The following PLAUR variants were observed in gnomAD, a reference collection of about 807,000 sequenced individuals.
The protein encoded by PLAUR is urokinase plasminogen activator surface receptor.
In PLAUR, 22 loss-of-function variants were observed where a neutral mutation model predicts 33.4. The observed-to-expected ratio is 0.66, with a 90% CI of 0.47 to 0.94. The LOEUF is 0.94. PLAUR is among the 40% of genes least tolerant of loss of function. The pLI is 0.00. For synonymous variants in PLAUR, 148 were observed against 167.3 expected (o/e 0.88, Z 0.89); for missense variants, 408 against 434.7 (o/e 0.94, Z 0.55).
intron 6 of PLAUR, among the ~76,000 whole-genome samples, chr19:43,651,031 C>CAA (rs747441567): frequency 5.7e-4 from 49 of 85,412 alleles, no homozygotes; most frequent in Middle Eastern, 5.7e-3. Context: ...GACTCCATTT[C>CAA]AAAAAAAAAA....
intron 6 of PLAUR, among the ~76,000 whole-genome samples, chr19:43,651,005 C>T (rs927692735): frequency 8.7e-5 from 13 of 150,222 alleles, no homozygotes; most frequent in Admixed American, 6.6e-5. Flanking sequence ...TGCACTCTAG[C>T]CTGGCGACAG....
At chr19:43,667,797 C>A (rs1201386027) in intron 1 of PLAUR, 106 bp from the exon 2 acceptor site, 4 of 1,505,128 alleles carry the variant, frequency 2.7e-6, no homozygotes, top group Non-Finnish European at 3.6e-6. Context: ...CAGGCCCCGT[C>A]CATTCAGATT....
At chr19:43,656,758 GCC>G (rs1352249038) in intron 3 of PLAUR, 118 bp from the exon 4 acceptor site, 2 of 796,320 alleles carry the variant, frequency 2.5e-6, no homozygotes, top group Admixed American at 3.1e-5. Context: ...CAGTCATTGA[GCC>G]CTGCCTATTC....
At chr19:43,653,423 C>T (rs1974077667) in intron 5 of PLAUR, among the ~76,000 whole-genome samples, 1 of 152,176 alleles carries the variant, frequency 6.6e-6, no homozygotes, top group East Asian at 1.9e-4. Flanking sequence ...GCAGGGTGAA[C>T]TCTTGGGGAA....
intron 3 of PLAUR, chr19:43,661,291 T>C (rs1257765658): frequency 6.6e-6 from 1 of 152,226 alleles, no homozygotes; most frequent in African/African-American, 2.4e-5. Flanking sequence ...CAGCAGCAGA[T>C]TGGCAAGTGC....
rs377228609 is a variant in PLAUR at position 43,654,024 on chromosome 19, T to C, written c.607+1415A>G. Among the ~76,000 whole-genome samples, 442 of 150,466 alleles carry C rather than the reference T, an allele frequency of 2.9e-3. 3 individuals carry two copies. The highest frequency in any genetic ancestry group is 0.01 in the African/African-American group (416 of 40,906). Reference sequence around the variant, plus strand: ...CTGTAGTCCCAGCCACTCGGGAGGCTGAGGCAGGGGAATGGCGTGAACCCG... The same window carrying C: ...CTGTAGTCCCAGCCACTCGGGAGGCCGAGGCAGGGGAATGGCGTGAACCCG... On this transcript the variant is annotated intron_variant, in intron 5 of 6. Transcript: ENST00000340093.
chr19:43,668,332 C>A, intron 1 of PLAUR: 1 of 985,888 alleles, frequency 1.0e-6, no homozygotes, highest in Non-Finnish European at 1.2e-6. Context: ...TAGGTTTTGG[C>A]CCCGCTCCAG....
chr19:43,653,004 A>G (rs4251906), intron 5 of PLAUR, among the ~76,000 whole-genome samples: 18,378 of 151,518 alleles, frequency 0.12, 1,619 homozygotes, highest in African/African-American at 0.24. Flanking sequence ...TTTGAGACGG[A>G]GTCTTGCTAT....
At chr19:43,668,628 G>C (rs1967377943) in intron 1 of PLAUR, among the ~76,000 whole-genome samples, 1 of 111,728 alleles carries the variant, frequency 9.0e-6, no homozygotes, top group Non-Finnish European at 1.8e-5. Flanking sequence ...TGAGGTCCTA[G>C]CCCAGCCCCG....
rs752926721 is a variant in PLAUR at position 43,652,267 on chromosome 19, G to C, written c.712C>G (p.Arg238Gly). The C allele has an allele frequency of 6.2e-7, 1 of 1,614,048 alleles. No homozygotes were observed. Among genetic ancestry groups the C allele is most frequent in the African/African-American group, 1.3e-5 (1 of 75,024 alleles). Reference sequence around the variant, plus strand: ...ACCAGACATTGATTCATGGGGCCTCGGCAGTCAATGAGGAAAGTCTCTTCA... The same window carrying C: ...ACCAGACATTGATTCATGGGGCCTCCGCAGTCAATGAGGAAAGTCTCTTCA... ...SSEETFLIDC[R>G]GPMNQCLVAT... Residue 238 changes from arginine (R) to glycine (G), a missense_variant, in exon 6 of 7, where the codon CGA (arginine) becomes GGA (glycine). By Grantham distance (125) the Arg-to-Gly change is moderately radical (BLOSUM62 -2). Transcript: ENST00000340093.
chr19:43,656,651 G>T lies in PLAUR; in HGVS notation c.311-11C>A. 6.3e-7 allele frequency: 1 copy of T among 1,577,746 alleles called. No individual in the cohort carries two copies. Among genetic ancestry groups the T allele is most frequent in the South Asian group, 1.2e-5 (1 of 86,600 alleles). ...AGGTGACAGCCCGGCCTGTTTGGAA[G>T]AGGGGGAGGGGAGTGAGACTCCATG... On this transcript the variant is annotated splice_polypyrimidine_tract_variant and intron_variant, in intron 3 of 6. Transcript: ENST00000340093.
intron 3 of PLAUR, among the ~76,000 whole-genome samples, chr19:43,657,470 C>T (rs1390976639): frequency 6.6e-6 from 1 of 152,218 alleles, no homozygotes; most frequent in Non-Finnish European, 1.5e-5. Flanking sequence ...ACACATGTTC[C>T]CTGGCATCCA....
At position 43,656,467 on chromosome 19, in the gene PLAUR, G is replaced by T. The variant is rs1255902515; in HGVS notation, c.472+12C>A. The T allele has an allele frequency of 1.3e-6, 2 of 1,571,278 alleles. No homozygotes were observed. The highest frequency in any genetic ancestry group is 1.7e-6 in the Non-Finnish European group (2 of 1,154,522). ...AGCAGGGAGGAGGAGTTGCCAGCAG[G>T]TTGGGGCTCACCTTCTTCACCTTCC... On this transcript the variant is annotated intron_variant, in intron 4 of 6. Transcript: ENST00000340093.
downstream of PLAUR, among the ~76,000 whole-genome samples, chr19:43,646,832 A>T (rs1231961935): frequency 7.8e-6 from 1 of 127,966 alleles, no homozygotes; most frequent in East Asian, 2.2e-4. Flanking sequence ...TCACTGTGTC[A>T]TGCAGTGGTG....
chr19:43,664,551 T>C (rs1967144275), intron 3 of PLAUR, among the ~76,000 whole-genome samples: 1 of 152,214 alleles, frequency 6.6e-6, no homozygotes, highest in African/African-American at 2.4e-5. Context: ...CTCAAGCGGT[T>C]CTCCCGCCTT....
Position 43,649,661 on chromosome 19 carries a change from G to A in PLAUR, c.755-518C>T, listed in dbSNP as rs376119802. Among the ~76,000 whole-genome samples, 46 of 145,206 alleles carry A rather than the reference G, an allele frequency of 3.2e-4. No individual in the cohort carries two copies. In the East Asian group the frequency reaches 9.3e-3, roughly 29 times the overall value. On this transcript the variant is annotated intron_variant, in intron 6 of 6. Transcript: ENST00000340093. Reference sequence around the variant, plus strand: ...AGAGAGAGAGGGAGGAAGGAAGGAAGGAGAAGGGAAAGAAGGAAGGAAGGG... The same window carrying A: ...AGAGAGAGAGGGAGGAAGGAAGGAAAGAGAAGGGAAAGAAGGAAGGAAGGG...
At chr19:43,668,101 GC>G in intron 1 of PLAUR, 1 of 1,013,172 alleles carries the variant, frequency 9.9e-7, no homozygotes, top group Non-Finnish European at 1.2e-6. Context: ...TTCTAGCCTT[GC>G]CCCACCCGCG....
At chr19:43,662,741 A>C (rs1424439559) in intron 3 of PLAUR, among the ~76,000 whole-genome samples, 1 of 137,012 alleles carries the variant, frequency 7.3e-6, no homozygotes. Flanking sequence ...TTTTTGCAGG[A>C]TCTCGCTCTG....
rs146971886 is a variant in PLAUR at position 43,655,655 on chromosome 19, T to C, written c.473-82A>G. 585 of 1,262,818 alleles carry C rather than the reference T, an allele frequency of 4.6e-4. 5 individuals are homozygous for C. In the East Asian group the frequency reaches 0.013, roughly 28 times the overall value. 78.2% of individuals were successfully genotyped at this position (1,262,818 alleles called of 1,614,324 possible). A position where few individuals can be genotyped will look rare whatever the true frequency, so the allele number is the denominator to read the frequency against. On this transcript the variant is annotated intron_variant, in intron 4 of 6. Transcript: ENST00000340093. ...GGGATTTGCCCGAAATAGCAGGCAT[T>C]CAACCATTCTCTACTTCACCCTTCA...
Sources: gnomAD v4.1 joint callset for allele counts (sites outside exome capture counted in the v4.1 genomes callset) on GRCh38, gnomAD v4.1.1 for gene constraint, MANE v1.5 for transcripts, NCBI Gene and HGNC (gene_info 2026-07-23, HGNC 2026-07-21) for gene names.